CTNNA2: variants seen among roughly 807,000 people sequenced by gnomAD.
CTNNA2 encodes the protein catenin alpha-2.
In CTNNA2, 42 loss-of-function variants were observed where a neutral mutation model predicts 101.0. The observed-to-expected ratio is 0.42, with a 90% CI of 0.32 to 0.54. CTNNA2 has a LOEUF of 0.54. Ranked by LOEUF, CTNNA2 falls within the 20% of genes least tolerant of loss-of-function variation. The pLI is 0.14. For synonymous variants in CTNNA2, 450 were observed against 456.4 expected (o/e 0.99, Z 0.18); for missense variants, 871 against 1,223.1 (o/e 0.71, Z 4.29).
chr2:79,759,151 C>G (rs902318873), intron 3 of CTNNA2, among the ~76,000 whole-genome samples: 17 of 152,110 alleles, frequency 1.1e-4, no homozygotes, highest in Admixed American at 1.0e-3. Context: ...TGTATGCCTA[C>G]TCTTTTGTTG....
rs141600214 is a variant in CTNNA2 at position 79,446,801 on chromosome 2, A to G, written c.-134-58253A>G. Among the ~76,000 whole-genome samples, 23 of 152,174 alleles carry G rather than the reference A, an allele frequency of 1.5e-4. No homozygotes were observed. The East Asian group carries it at 4.5e-3, about 29-fold the overall frequency. On this transcript the variant is annotated intron_variant, in intron 4 of 21. Coordinates refer to the CTNNA2 transcript ENST00000466387. The stretch of plus-strand genomic sequence containing the variant: ...AAAAGTGAACTTAGAATTTTGACCA[A>G]TTAATGCTGATGTTTATGCCAAAAA...
intron 1 of CTNNA2, among the ~76,000 whole-genome samples, chr2:79,617,333 T>A (rs954505194): frequency 2.0e-5 from 3 of 152,192 alleles, no homozygotes; most frequent in African/African-American, 7.2e-5. Context: ...GGAAATACCT[T>A]ATCAATATTT....
chr2:80,294,733 A>G (rs1211658055), intron 7 of CTNNA2, among the ~76,000 whole-genome samples: 1 of 152,182 alleles, frequency 6.6e-6, no homozygotes, highest in Non-Finnish European at 1.5e-5. Context: ...TCCAGGAGTC[A>G]GTATTTATTG....
In CTNNA2 at chr2:79,763,175, C is replaced by CT. The variant is rs145865161; in HGVS notation, c.298+18599dup. 8.1e-3 allele frequency among the ~76,000 whole-genome samples: 1,236 copies of CT among 152,146 alleles called. 16 individuals are homozygous for CT. The highest frequency in any genetic ancestry group is 0.028 in the African/African-American group (1,172 of 41,512). ...AAGTCTATATCGCTAATATTTTTAT[C>CT]TTTTTTAAATCTTCAATTTGCATTT... On this transcript the variant is annotated intron_variant, in intron 3 of 18. Transcript: ENST00000402739.
intron 18 of CTNNA2, among the ~76,000 whole-genome samples, chr2:80,622,560 G>A (rs1671240044): frequency 6.6e-6 from 1 of 151,792 alleles, no homozygotes; most frequent in Admixed American, 6.6e-5. Flanking sequence ...TTAACACTAA[G>A]TAAAACTGAA....
chr2:79,534,497 A>T (rs1672935163), intron 1 of CTNNA2, among the ~76,000 whole-genome samples: 1 of 151,820 alleles, frequency 6.6e-6, no homozygotes, highest in Non-Finnish European at 1.5e-5. Flanking sequence ...ATTCTTTTTC[A>T]ATTTAATTAT....
At chr2:80,353,960 T>C (rs950051627) in intron 7 of CTNNA2, among the ~76,000 whole-genome samples, 9 of 152,134 alleles carry the variant, frequency 5.9e-5, no homozygotes, top group Admixed American at 3.3e-4. Context: ...ACAAGCTCTC[T>C]GTGCTCCAGG....
intron 7 of CTNNA2, among the ~76,000 whole-genome samples, chr2:80,129,856 G>T (rs1702319627): frequency 6.6e-6 from 1 of 152,132 alleles, no homozygotes; most frequent in Non-Finnish European, 1.5e-5. Context: ...GTGCAAGTCT[G>T]CAAGTCTCCC....
At chr2:79,796,278 A>G (rs1675687584) in intron 3 of CTNNA2, among the ~76,000 whole-genome samples, 1 of 151,900 alleles carries the variant, frequency 6.6e-6, no homozygotes, top group South Asian at 2.1e-4. Flanking sequence ...CAGCTCTTTA[A>G]AAGTGGCCTA....
intron 9 of CTNNA2, among the ~76,000 whole-genome samples, chr2:80,473,691 T>C (rs1469533153): frequency 6.6e-6 from 1 of 152,128 alleles, no homozygotes; most frequent in African/African-American, 2.4e-5. Flanking sequence ...CCATTATTGC[T>C]CCCCAACAAC....
intron 3 of CTNNA2, among the ~76,000 whole-genome samples, chr2:79,786,134 A>T (rs975051): frequency 3.3e-5 from 5 of 151,952 alleles, no homozygotes; most frequent in African/African-American, 1.2e-4. Context: ...AACACTAACA[A>T]GTGCTTCAGT....
intron 2 of CTNNA2, among the ~76,000 whole-genome samples, chr2:79,301,212 C>G (rs1024772658): frequency 3.9e-5 from 6 of 152,238 alleles, no homozygotes; most frequent in African/African-American, 1.4e-4. Flanking sequence ...CCTCCCTTAT[C>G]ATGTCTTTAT....
intron 1 of CTNNA2, among the ~76,000 whole-genome samples, chr2:79,522,469 A>G (rs867987283): frequency 8.5e-5 from 13 of 152,322 alleles, no homozygotes; most frequent in Middle Eastern, 3.4e-3. Context: ...AGACAGAATG[A>G]TCGAGTGTGT....
At chr2:80,079,870 A>G (rs950841501) in intron 7 of CTNNA2, among the ~76,000 whole-genome samples, 1 of 143,562 alleles carries the variant, frequency 7.0e-6, no homozygotes, top group African/African-American at 2.6e-5. Context: ...AATAAAATAA[A>G]ATAAAATAAA....
chr2:80,393,641 C>A (rs991690144), intron 8 of CTNNA2, among the ~76,000 whole-genome samples: 2 of 152,156 alleles, frequency 1.3e-5, no homozygotes, highest in Non-Finnish European at 2.9e-5. Context: ...ACTTATCAAA[C>A]TCCCGGGAAT....
At chr2:79,917,304 G>A (rs1341640556) in intron 7 of CTNNA2, among the ~76,000 whole-genome samples, 1 of 151,996 alleles carries the variant, frequency 6.6e-6, no homozygotes, top group Non-Finnish European at 1.5e-5. Context: ...TCTTGATCTC[G>A]TGATCCGCCT....
chr2:80,033,491 A>G (rs1260844865), intron 7 of CTNNA2, among the ~76,000 whole-genome samples: 3 of 152,098 alleles, frequency 2.0e-5, no homozygotes, highest in Non-Finnish European at 4.4e-5. Context: ...GGGAGGATCA[A>G]TGAAGCCCAG....
intron 9 of CTNNA2, among the ~76,000 whole-genome samples, chr2:80,462,627 C>CTTTTTTTTT (rs1161384853): frequency 1.1e-4 from 13 of 114,356 alleles, no homozygotes; most frequent in African/African-American, 4.5e-4. Context: ...TTCTTTCTTT[C>CTTTTTTTTT]TTTCTTTTTT....
Position 79,474,696 on chromosome 2 carries a change from T to C in CTNNA2, c.-134-30358T>C, listed in dbSNP as rs1373118345. ...AATGCCTATAATGTCTAAGTCATAG[T>C]TCATTTCCAAACGAAATTATTATGA... On this transcript the variant is annotated intron_variant, in intron 4 of 21. Coordinates refer to the CTNNA2 transcript ENST00000466387. 2.6e-5 allele frequency among the ~76,000 whole-genome samples: 4 copies of C among 152,236 alleles called. No homozygotes were observed. The East Asian group carries it at 7.7e-4, about 29-fold the overall frequency.
Sources: allele counts gnomAD v4.1 joint callset (sites outside exome capture counted in the v4.1 genomes callset), GRCh38; gene constraint gnomAD v4.1.1; transcripts MANE v1.5; gene names NCBI Gene and HGNC (gene_info 2026-07-23, HGNC 2026-07-21).